AK7: variants seen among roughly 807,000 people sequenced by gnomAD.
The protein encoded by AK7 is ATP-AMP transphosphorylase 7.
AK7 carries 78 observed loss-of-function variants against 96.6 expected under a neutral mutation model. The observed-to-expected ratio is 0.81, with a 90% CI of 0.67 to 0.97. The LOEUF (loss-of-function observed/expected upper bound fraction) is 0.97, where lower values mean the gene tolerates loss of function less well. AK7 is among the 50% of genes least tolerant of loss of function. The pLI, the probability that AK7 is intolerant of heterozygous loss-of-function variation, is 0.00. For missense variants in AK7, 855 were observed against 887.9 expected, an observed-to-expected ratio of 0.96 and a Z score of 0.47; for synonymous variants, 302 against 317.2, an observed-to-expected ratio of 0.95 and a Z score of 0.51.
At chr14:96,467,867 G>T (rs1894658087) in intron 12 of AK7, among the ~76,000 whole-genome samples, 1 of 151,924 alleles carries the variant, frequency 6.6e-6, no homozygotes, top group African/African-American at 2.4e-5. Context: ...TTCTAGTTCT[G>T]AGGTACATTT....
intron 5 of AK7, chr14:96,423,890 C>G (rs1566775185): frequency 1.0e-6 from 1 of 984,960 alleles, no homozygotes; most frequent in Non-Finnish European, 1.6e-6. Context: ...TGGGAGACCC[C>G]GAGCCCACAT....
chr14:96,406,401 T>C (rs1485798221), intron 3 of AK7, among the ~76,000 whole-genome samples: 4 of 152,264 alleles, frequency 2.6e-5, no homozygotes, highest in Non-Finnish European at 5.9e-5. Context: ...TCATGAGCTT[T>C]AAAATGTAGA....
chr14:96,439,716 A>C (rs1024390759), intron 6 of AK7, among the ~76,000 whole-genome samples: 4 of 152,002 alleles, frequency 2.6e-5, no homozygotes, highest in African/African-American at 7.2e-5. Flanking sequence ...ATTGTGTCAG[A>C]TACTGCAGAT....
intron 12 of AK7, among the ~76,000 whole-genome samples, chr14:96,465,236 C>T (rs371729173): frequency 3.9e-5 from 6 of 152,012 alleles, no homozygotes; most frequent in African/African-American, 7.3e-5. Context: ...CCGAGGCGGG[C>T]GGATCACGAG....
Position 96,399,872 on chromosome 14 carries a change from A to ACCCTATAGCTTCAGCT in AK7, c.294+1613_294+1628dup, listed in dbSNP as rs1478410382. Among the ~76,000 whole-genome samples the ACCCTATAGCTTCAGCT allele has an allele frequency of 4.6e-5, 7 of 151,364 alleles. No individual in the cohort carries two copies. Among genetic ancestry groups the ACCCTATAGCTTCAGCT allele is most frequent in the African/African-American group, 1.7e-4 (7 of 41,190 alleles). Reference sequence around the variant, plus strand: ...AGATGACCTTCCTAAATCTTATCCAACCCTATAGCTTCAGCTCCCCATATA... The same window carrying ACCCTATAGCTTCAGCT: ...AGATGACCTTCCTAAATCTTATCCAACCCTATAGCTTCAGCTCCCTATAGCTTCAGCTCCCCATATA... On this transcript the variant is annotated intron_variant, in intron 2 of 17. Transcript: ENST00000267584. The surrounding 1 kb of genome is among the most constrained non-coding windows in gnomAD (Gnocchi z 4.1).
intron 7 of AK7, among the ~76,000 whole-genome samples, chr14:96,446,195 G>A (rs1175113892): frequency 6.6e-6 from 1 of 152,170 alleles, no homozygotes; most frequent in Admixed American, 6.5e-5. Context: ...GGTCCTGCTG[G>A]GGGCAGTTCC....
chr14:96,484,053 G>A (rs992048614), intron 16 of AK7, among the ~76,000 whole-genome samples: 2 of 152,026 alleles, frequency 1.3e-5, no homozygotes, highest in Non-Finnish European at 2.9e-5. Context: ...AACATAGCAA[G>A]ACCTTGACTC....
chr14:96,437,450 A>G (rs1436990169), intron 5 of AK7, among the ~76,000 whole-genome samples: 1 of 152,174 alleles, frequency 6.6e-6, no homozygotes, highest in Non-Finnish European at 1.5e-5. Flanking sequence ...GTGAATTTCC[A>G]TCCTTGTGTT....
intron 2 of AK7, among the ~76,000 whole-genome samples, chr14:96,401,976 A>G (rs758421955): frequency 1.5e-4 from 23 of 152,168 alleles, no homozygotes; most frequent in African/African-American, 2.2e-4. Context: ...TGCCTGGCTA[A>G]GGGCGTGAGT....
At chr14:96,441,836 C>T (rs1460998727) in intron 6 of AK7, among the ~76,000 whole-genome samples, 2 of 151,884 alleles carry the variant, frequency 1.3e-5, no homozygotes, top group Non-Finnish European at 2.9e-5. Flanking sequence ...CCCTTCTCTC[C>T]ATCCCCACTC....
intron 5 of AK7, among the ~76,000 whole-genome samples, 183 bp from the exon 6 acceptor site, chr14:96,437,652 T>A (rs899240467): frequency 3.3e-5 from 5 of 152,222 alleles, no homozygotes; most frequent in African/African-American, 1.2e-4. Context: ...GAGGTATTCC[T>A]GAATAGTGCG....
At chr14:96,446,131 C>T (rs1893217385) in intron 7 of AK7, among the ~76,000 whole-genome samples, 1 of 152,186 alleles carries the variant, frequency 6.6e-6, no homozygotes. Flanking sequence ...TTGTGAGGCT[C>T]ACACGAGCCC....
At chr14:96,460,403 C>A (rs1894187588) in intron 12 of AK7, among the ~76,000 whole-genome samples, 1 of 152,148 alleles carries the variant, frequency 6.6e-6, no homozygotes, top group Non-Finnish European at 1.5e-5. Flanking sequence ...GTGGCCATTT[C>A]TGATCCTCCA....
At chr14:96,418,163 A>G (rs922919522) in intron 4 of AK7, among the ~76,000 whole-genome samples, 1 of 128,342 alleles carries the variant, frequency 7.8e-6, no homozygotes, top group Non-Finnish European at 1.7e-5. Context: ...CCTTTACACA[A>G]AACAATTTTT....
intron 10 of AK7, among the ~76,000 whole-genome samples, chr14:96,453,305 A>C (rs961841090): frequency 6.6e-6 from 1 of 152,214 alleles, no homozygotes; most frequent in South Asian, 2.1e-4. Context: ...CACAGAGTAG[A>C]AATATGACAA....
At chr14:96,414,386 C>G (rs756756211) in intron 4 of AK7, among the ~76,000 whole-genome samples, 2 of 152,214 alleles carry the variant, frequency 1.3e-5, no homozygotes, top group Non-Finnish European at 2.9e-5. Context: ...TAACTGCATC[C>G]AGGAAATCAG....
At chr14:96,423,732 AGTC>A (rs1891849794) in intron 5 of AK7, 11 of 711,820 alleles carry the variant, frequency 1.5e-5, no homozygotes, top group South Asian at 1.5e-4. Flanking sequence ...TTGGGCACAT[AGTC>A]GTCCCACTCG....
intron 1 of AK7, among the ~76,000 whole-genome samples, chr14:96,395,007 G>A (rs764995072): frequency 2.0e-4 from 30 of 152,190 alleles, no homozygotes; most frequent in South Asian, 1.0e-3. Context: ...GAAGACAGTC[G>A]AAACTCTGCA....
rs576381808 is a variant in AK7, at chr14:96,399,495, C to T, written c.294+1232C>T. 6.6e-6 allele frequency among the ~76,000 whole-genome samples: 1 copy of T among 152,332 alleles called. No individual in the cohort carries two copies. The highest frequency in any genetic ancestry group is 2.4e-5 in the African/African-American group (1 of 41,578). ...TGCTGGCCACCAGCCTCTTTCTCTG[C>T]CCCGGCCCCTGCCACCACTGAACTT... is the stretch of plus-strand genomic sequence containing the variant. On this transcript the variant is annotated intron_variant, in intron 2 of 17. Transcript: ENST00000267584. The surrounding 1 kb of genome is among the most constrained non-coding windows in gnomAD (Gnocchi z 4.1).
Sources: gnomAD v4.1 joint callset for allele counts (sites outside exome capture counted in the v4.1 genomes callset) on GRCh38, gnomAD v4.1.1 for gene constraint, Gnocchi (gnomAD v3.1) non-coding constraint, MANE v1.5 for transcripts, NCBI Gene and HGNC (gene_info 2026-07-23, HGNC 2026-07-21) for gene names.